The following MAMSTR variants were observed in gnomAD, a reference collection of about 807,000 sequenced individuals.
MAMSTR encodes the protein MEF2-activating motif and SAP domain-containing transcriptional regulator.
Under a neutral mutation model 42.7 loss-of-function variants are expected in MAMSTR, and 41 were observed. That is an observed-to-expected ratio of 0.96 (90% CI 0.75 to 1.25). MAMSTR has a LOEUF of 1.25. Ranked by LOEUF, MAMSTR falls within the 50% of genes most tolerant of loss-of-function variation. MAMSTR has a pLI of 0.00. For synonymous variants in MAMSTR, 265 were observed against 244.1 expected, an observed-to-expected ratio of 1.09 and a Z score of -0.80; for missense variants, 567 against 557.6, an observed-to-expected ratio of 1.02 and a Z score of -0.17.
In MAMSTR at chr19:48,713,242, C is replaced by G; in HGVS notation, c.*25G>C. ...GCTTCTCTCCACCCCCATCAGTTCT[C>G]TGTCTCTGTAAATCCTAGAATCCAT... On this transcript the variant is annotated 3_prime_UTR_variant, in exon 10 of 10. Transcript: ENST00000318083. 1 of 1,560,576 alleles carries G rather than the reference C, an allele frequency of 6.4e-7. No individual in the cohort carries two copies. Among genetic ancestry groups the G allele is most frequent in the South Asian group, 1.2e-5 (1 of 83,890 alleles).
At chr19:48,710,063 G>T (rs1412819404), downstream of MAMSTR, among the ~76,000 whole-genome samples, 1 of 151,574 alleles carries the variant, frequency 6.6e-6, no homozygotes, top group Non-Finnish European at 1.5e-5. Flanking sequence ...TAGAAACGGG[G>T]TTTCACCGTG....
At chr19:48,714,630 G>C in intron 6 of MAMSTR, 70 bp from the exon 7 acceptor site, 1 of 1,421,198 alleles carries the variant, frequency 7.0e-7, no homozygotes, top group Non-Finnish European at 9.4e-7. Flanking sequence ...GAGCTGGACA[G>C]GATATTTGGA....
downstream of MAMSTR, among the ~76,000 whole-genome samples, chr19:48,709,758 A>G (rs1167945000): frequency 4.6e-5 from 7 of 152,234 alleles, no homozygotes; most frequent in African/African-American, 1.7e-4. Flanking sequence ...TGAGCCAGGC[A>G]CCAAAAACTC....
chr19:48,707,189 C>G, the MAMSTR span, among the ~76,000 whole-genome samples: 7 of 150,748 alleles, frequency 4.6e-5, no homozygotes, highest in African/African-American at 1.7e-4. Context: ...GAGGCCGAGG[C>G]AGGTGGATCA....
chr19:48,718,305 G>C (rs886162656), intron 2 of MAMSTR, among the ~76,000 whole-genome samples: 4 of 151,644 alleles, frequency 2.6e-5, no homozygotes, highest in Non-Finnish European at 4.4e-5. Context: ...AACCACATAG[G>C]CACGCTCACG....
chr19:48,713,847 C>G lies in MAMSTR; in HGVS notation c.909+13G>C. 1 of 1,614,116 alleles carries G rather than the reference C, an allele frequency of 6.2e-7. No individual in the cohort carries two copies. The highest frequency in any genetic ancestry group is 1.7e-4 in the Middle Eastern group (1 of 6,060). On this transcript the variant is annotated intron_variant, in intron 8 of 9. Coordinates refer to ENST00000318083, the MANE Select transcript of MAMSTR (RefSeq NM_001130915.2). ...TGGAGAACCCTAGCCGGATTCAACC[C>G]ACACCCTCTTACCTGCGCCCTCCGG...
chr19:48,714,592 T>C (rs768127578), intron 6 of MAMSTR, 32 bp from the exon 7 acceptor site: 2 of 1,465,074 alleles, frequency 1.4e-6, no homozygotes, highest in Non-Finnish European at 1.8e-6. Context: ...GAAGAGGCAG[T>C]GCTGGGCGGG....
chr19:48,709,547 T>C (rs2032695864), downstream of MAMSTR, among the ~76,000 whole-genome samples: 3 of 152,346 alleles, frequency 2.0e-5, no homozygotes, highest in South Asian at 4.1e-4. Context: ...GCCCCCAGCT[T>C]GTGTGCTTGG....
downstream of MAMSTR, among the ~76,000 whole-genome samples, chr19:48,709,523 G>C (rs1468630315): frequency 6.6e-6 from 1 of 152,214 alleles, no homozygotes; most frequent in Admixed American, 6.5e-5. Flanking sequence ...CCTCTTGCCA[G>C]TTCTGTGCAC....
At chr19:48,705,976 AC>A in the MAMSTR span, 1 of 156,792 alleles carries the variant, frequency 6.4e-6, no homozygotes, top group Non-Finnish European at 1.5e-5. Flanking sequence ...AGAGCGTATT[AC>A]ATAAGTATCA....
chr19:48,716,779 G>A (rs1040657930), intron 2 of MAMSTR, 36 bp from the exon 3 acceptor site: 132 of 1,290,814 alleles, frequency 1.0e-4, no homozygotes, highest in Non-Finnish European at 1.2e-4. Flanking sequence ...GGAGGAAGGC[G>A]GGAAGGGAGT....
downstream of MAMSTR, among the ~76,000 whole-genome samples, chr19:48,711,418 C>A (rs2032722950): frequency 6.6e-6 from 1 of 152,214 alleles, no homozygotes. Context: ...CCCAGGTGGG[C>A]CCTGAGATGA....
chr19:48,718,380 CTTTTTTT>C (rs796615883), intron 2 of MAMSTR, among the ~76,000 whole-genome samples: 1,120 of 95,170 alleles, frequency 0.012, 18 homozygotes, highest in African/African-American at 0.045. Flanking sequence ...TTGCACACTT[CTTTTTTT>C]TTTTTTTTTT....
intron 8 of MAMSTR, 42 bp downstream of exon 8, chr19:48,713,818 T>C (rs201674816): frequency 2.7e-5 from 43 of 1,614,084 alleles, no homozygotes; most frequent in Non-Finnish European, 3.6e-5. Context: ...GACCTGGACC[T>C]GACTGGAGAA....
downstream of MAMSTR, among the ~76,000 whole-genome samples, chr19:48,707,912 GAAAGAAA>G (rs2032677674): frequency 5.0e-5 from 7 of 140,262 alleles, no homozygotes; most frequent in Admixed American, 2.1e-4. Flanking sequence ...AAGGAAGAAA[GAAAGAAA>G]AAAGAAAGAA....
Position 48,714,518 on chromosome 19 carries a change from C to G in MAMSTR, c.571G>C (p.Val191Leu). 1 of 1,454,332 alleles carries G rather than the reference C, an allele frequency of 6.9e-7. No homozygotes were observed. The allele number at this position is 1,454,332 out of a possible 1,614,324, so 90.1% of individuals were successfully genotyped here. The change falls in exon 7 of 10, where the codon GTG becomes CTG. Residue 191 changes from valine to leucine, a missense_variant. By Grantham distance (32) the Val-to-Leu change is conservative (BLOSUM62 1). Transcript: ENST00000318083. The stretch of plus-strand genomic sequence containing the variant: ...AGGAGCATAGACTTGGTCCCCGACA[C>G]TGGGAGGCCCCGCAGGCGCAGCTGC... Reference protein sequence around the residue: ...RQQLRLRGLPVSGTKSMLLER... With the variant: ...RQQLRLRGLPLSGTKSMLLER...
intron 7 of MAMSTR, 78 bp downstream of exon 7, chr19:48,714,288 G>T: frequency 8.3e-7 from 1 of 1,207,618 alleles, no homozygotes; most frequent in Non-Finnish European, 1.1e-6. Flanking sequence ...CACTTCATTG[G>T]CTAGTTTTTT....
chr19:48,714,150 G>C, intron 7 of MAMSTR, 105 bp from the exon 8 acceptor site: 2 of 1,275,226 alleles, frequency 1.6e-6, no homozygotes, highest in South Asian at 1.6e-5. Context: ...GCGACCCCTC[G>C]CTCATCAACC....
intron 6 of MAMSTR, 76 bp downstream of exon 6, chr19:48,714,730 C>T (rs1225565671): frequency 7.4e-7 from 1 of 1,351,934 alleles, no homozygotes; most frequent in African/African-American, 1.4e-5. Flanking sequence ...TTCCAGAGGG[C>T]AGAGGCTGCG....
Sources: allele counts gnomAD v4.1 joint callset (sites outside exome capture counted in the v4.1 genomes callset), GRCh38; gene constraint gnomAD v4.1.1; transcripts MANE v1.5; gene names NCBI Gene and HGNC (gene_info 2026-07-23, HGNC 2026-07-21).